DNAH11: variants seen among roughly 807,000 people sequenced by gnomAD.
DNAH11 encodes the protein axonemal beta dynein heavy chain 11.
Under a neutral mutation model 526.0 loss-of-function variants are expected in DNAH11, and 442 were observed. That is an observed-to-expected ratio of 0.84 (90% confidence interval 0.78 to 0.91). The LOEUF (loss-of-function observed/expected upper bound fraction) is 0.91. DNAH11 is among the 40% of genes least tolerant of loss of function. The pLI is 0.00. For synonymous variants in DNAH11, 2,461 were observed against 1,935.9 expected, an observed-to-expected ratio of 1.27 and a Z score of -7.12; for missense variants, 6,989 against 5,448.7, an observed-to-expected ratio of 1.28 and a Z score of -8.90.
chr7:21,621,349 G>C (rs1257654432), intron 25 of DNAH11, among the ~76,000 whole-genome samples: 3 of 152,038 alleles, frequency 2.0e-5, no homozygotes, highest in Non-Finnish European at 4.4e-5. Flanking sequence ...CAACCAAAAA[G>C]AGTCCAGGAC....
At chr7:21,761,570 T>C (rs144598236) in intron 54 of DNAH11, among the ~76,000 whole-genome samples, 410 of 152,322 alleles carry the variant, frequency 2.7e-3, no homozygotes, top group African/African-American at 9.6e-3. Flanking sequence ...TTAGAGTGTT[T>C]GCTTAAAGCA....
intron 44 of DNAH11, 52 bp downstream of exon 44, chr7:21,720,908 G>A: frequency 6.3e-7 from 1 of 1,587,574 alleles, no homozygotes; most frequent in Non-Finnish European, 8.6e-7. Context: ...TGTGGGACAG[G>A]GTCATGGGGA....
At chr7:21,613,179 A>T (rs1785603832) in intron 20 of DNAH11, among the ~76,000 whole-genome samples, 1 of 152,212 alleles carries the variant, frequency 6.6e-6, no homozygotes, top group South Asian at 2.1e-4. Flanking sequence ...ACACATCATC[A>T]TGAATATATA....
chr7:21,732,870 C>T (rs568229384), intron 45 of DNAH11, among the ~76,000 whole-genome samples: 1 of 152,298 alleles, frequency 6.6e-6, no homozygotes, highest in Non-Finnish European at 1.5e-5. Context: ...AGTGAGGAAA[C>T]CTTTCTCAGA....
chr7:21,637,161 G>C (rs995803130), intron 26 of DNAH11, among the ~76,000 whole-genome samples: 2 of 151,594 alleles, frequency 1.3e-5, no homozygotes, highest in African/African-American at 2.4e-5. Flanking sequence ...TTAAGATTCT[G>C]GGCGCTCTCT....
At chr7:21,683,286 G>C (rs909200119) in intron 31 of DNAH11, among the ~76,000 whole-genome samples, 3 of 152,042 alleles carry the variant, frequency 2.0e-5, no homozygotes, top group Non-Finnish European at 4.4e-5. Flanking sequence ...TGAGTAGATG[G>C]GAAAGAACAG....
intron 9 of DNAH11, among the ~76,000 whole-genome samples, chr7:21,584,270 C>G (rs992812560): frequency 6.6e-5 from 10 of 152,128 alleles, no homozygotes; most frequent in African/African-American, 2.4e-5. Context: ...GAGTTCATGT[C>G]CTTTGCAGGG....
At chr7:21,871,216 A>G (rs887987879) in intron 73 of DNAH11, among the ~76,000 whole-genome samples, 1 of 152,224 alleles carries the variant, frequency 6.6e-6, no homozygotes, top group African/African-American at 2.4e-5. Context: ...TCTTTATCTC[A>G]CATGCACACC....
At chr7:21,854,768 C>G (rs909101888) in intron 68 of DNAH11, among the ~76,000 whole-genome samples, 3 of 151,918 alleles carry the variant, frequency 2.0e-5, no homozygotes, top group Non-Finnish European at 2.9e-5. Flanking sequence ...GTCTCGAACT[C>G]CTGACCTCAA....
chr7:21,743,052 C>T (rs1278895931), intron 49 of DNAH11, among the ~76,000 whole-genome samples: 1 of 152,198 alleles, frequency 6.6e-6, no homozygotes, highest in Non-Finnish European at 1.5e-5. Flanking sequence ...TCACGTTGCC[C>T]TCATGACAGT....
chr7:21,721,732 G>T lies in DNAH11; in HGVS notation c.7266+876G>T, dbSNP rs6942696. On this transcript the variant is annotated intron_variant, in intron 44 of 81. Coordinates refer to ENST00000409508, the MANE Select transcript of DNAH11 (RefSeq NM_001277115.2). Reference sequence around the variant, plus strand: ...CCCCACCACCAAATATCATCACACTGTGGGGTAGGGCTTCAAAATATGGAT... The same window carrying T: ...CCCCACCACCAAATATCATCACACTTTGGGGTAGGGCTTCAAAATATGGAT... 5.6e-3 allele frequency among the ~76,000 whole-genome samples: 857 copies of T among 152,242 alleles called. 9 individuals are homozygous for T. Among genetic ancestry groups the T allele is most frequent in the African/African-American group, 0.019 (786 of 41,532 alleles).
intron 57 of DNAH11, among the ~76,000 whole-genome samples, chr7:21,782,896 CG>C (rs1327606905): frequency 1.5e-5 from 2 of 135,476 alleles, no homozygotes; most frequent in African/African-American, 5.8e-5. Flanking sequence ...GGTGACAGAA[CG>C]AAACTGTCTC....
intron 23 of DNAH11, 102 bp downstream of exon 23, chr7:21,617,879 C>T: frequency 8.1e-7 from 1 of 1,237,994 alleles, no homozygotes. Flanking sequence ...AAAAGACCCC[C>T]CTCAGCATAG....
chr7:21,694,733 T>C (rs962132797), intron 35 of DNAH11, among the ~76,000 whole-genome samples: 1 of 152,178 alleles, frequency 6.6e-6, no homozygotes, highest in African/African-American at 2.4e-5. Flanking sequence ...GATTGCTGGG[T>C]CAAATGGTAT....
At chr7:21,768,111 A>G (rs973998119) in intron 55 of DNAH11, among the ~76,000 whole-genome samples, 1 of 152,208 alleles carries the variant, frequency 6.6e-6, no homozygotes, top group African/African-American at 2.4e-5. Flanking sequence ...TAATGACCAA[A>G]ACAGTTTGAC....
chr7:21,773,696 C>A, intron 55 of DNAH11, 70 bp from the exon 56 acceptor site: 3 of 976,826 alleles, frequency 3.1e-6, no homozygotes, highest in Non-Finnish European at 3.9e-6. Context: ...TGATCATTTA[C>A]TTGATTTTTT....
At chr7:21,832,271 G>A (rs1192679676) in intron 65 of DNAH11, among the ~76,000 whole-genome samples, 2 of 152,142 alleles carry the variant, frequency 1.3e-5, no homozygotes, top group African/African-American at 4.8e-5. Flanking sequence ...TTCTTCATAT[G>A]TCGACGGTCT....
chr7:21,890,854 G>A (rs988848343), intron 76 of DNAH11, among the ~76,000 whole-genome samples: 10 of 152,138 alleles, frequency 6.6e-5, no homozygotes, highest in African/African-American at 1.7e-4. Context: ...CATATTCATC[G>A]GGTCAAGATT....
chr7:21,844,553 G>A (rs969358224), intron 66 of DNAH11, among the ~76,000 whole-genome samples: 1 of 152,200 alleles, frequency 6.6e-6, no homozygotes, highest in Non-Finnish European at 1.5e-5. Context: ...AAAGCCAAAA[G>A]TATTTATTAT....
Sources: gnomAD v4.1 joint callset for allele counts (sites outside exome capture counted in the v4.1 genomes callset) on GRCh38, gnomAD v4.1.1 for gene constraint, MANE v1.5 for transcripts, NCBI Gene and HGNC (gene_info 2026-07-23, HGNC 2026-07-21) for gene names.